DDX46: variants seen among roughly 807,000 people sequenced by gnomAD.
The protein encoded by DDX46 is DEAD-box helicase 46.
Under a neutral mutation model 134.9 loss-of-function variants are expected in DDX46, and 30 were observed. That is an observed-to-expected ratio of 0.22 (90% CI 0.17 to 0.30). The LOEUF (loss-of-function observed/expected upper bound fraction) is 0.30, where lower values mean the gene tolerates loss of function less well. Among genes scored for constraint, DDX46 ranks in the 10% least tolerant of loss-of-function variants. The pLI is 1.00. For missense variants in DDX46, 622 were observed against 1,248.7 expected, an observed-to-expected ratio of 0.50 and a Z score of 7.56; for synonymous variants, 415 against 404.1, an observed-to-expected ratio of 1.03 and a Z score of -0.32.
rs2150166394 is a variant in DDX46, at chr5:134,830,263, T to C, written c.*1557T>C. 1 of 152,150 alleles carries C rather than the reference T, an allele frequency of 6.6e-6. No individual in the cohort carries two copies. The highest frequency in any genetic ancestry group is 1.9e-4 in the East Asian group (1 of 5,174). The allele number at this position is 152,150 out of a possible 1,614,324, so 9.4% of individuals were successfully genotyped here. A position where few individuals can be genotyped will look rare whatever the true frequency, so the allele number is the denominator to read the frequency against. On this transcript the variant is annotated 3_prime_UTR_variant, in exon 23 of 23. Transcript: ENST00000452510. ...ACTATAACATTTACATTGTGTTAGGTATTTTAAGTAATTTAAAGGTTACAG... is the reference window on the plus strand; with the variant it reads ...ACTATAACATTTACATTGTGTTAGGCATTTTAAGTAATTTAAAGGTTACAG...
chr5:134,762,983 C>T (rs1167977590), intron 1 of DDX46, among the ~76,000 whole-genome samples: 4 of 151,438 alleles, frequency 2.6e-5, no homozygotes, highest in Non-Finnish European at 4.4e-5. Flanking sequence ...GGTGTGAACC[C>T]GGGAGGTGGA....
chr5:134,786,737 C>T (rs1416844107), intron 11 of DDX46, among the ~76,000 whole-genome samples: 1 of 152,036 alleles, frequency 6.6e-6, no homozygotes, highest in Non-Finnish European at 1.5e-5. Context: ...ATCAGCTACT[C>T]GGTAGGCTGA....
Position 134,811,772 on chromosome 5 carries a change from C to T in DDX46, c.2363C>T (p.Ala788Val). Reference protein sequence around the residue: ...FKFDETEQALANERKKLQKAA... With the variant: ...FKFDETEQALVNERKKLQKAA... Reference sequence around the variant, plus strand: ...TTTGATGAAACAGAACAAGCTTTGGCTAATGAGAGGAAGAAGTTACAAAAA... The same window carrying T: ...TTTGATGAAACAGAACAAGCTTTGGTTAATGAGAGGAAGAAGTTACAAAAA... Residue 788 changes from alanine (A) to valine (V), a missense_variant, in exon 18 of 23, where the codon GCT (alanine) becomes GTT (valine). Transcript: ENST00000452510. 1 of 1,613,932 alleles carries T rather than the reference C, an allele frequency of 6.2e-7. No homozygotes were observed. Among genetic ancestry groups the T allele is most frequent in the Admixed American group, 1.7e-5 (1 of 59,976 alleles).
In DDX46 at chr5:134,793,300, A is replaced by G. The variant is rs188991554; in HGVS notation, c.1627-1550A>G. The stretch of plus-strand genomic sequence containing the variant: ...AGACACTGTCATGTAAATGAAAGCT[A>G]GTGCTATTGAATGCAAAGCTGCACA... On this transcript the variant is annotated intron_variant, in intron 13 of 22. Transcript: ENST00000452510. Among the ~76,000 whole-genome samples, 840 of 152,372 alleles carry G rather than the reference A, an allele frequency of 5.5e-3. 8 individuals are homozygous for G. Among genetic ancestry groups the G allele is most frequent in the Non-Finnish European group, 9.2e-3 (629 of 68,032 alleles).
chr5:134,770,190 C>T (rs964024762), intron 3 of DDX46, among the ~76,000 whole-genome samples: 11 of 151,004 alleles, frequency 7.3e-5, no homozygotes, highest in African/African-American at 2.4e-4. Context: ...AGCCACTATG[C>T]CTGACCAAAT....
At chr5:134,814,471 A>G (rs923312965) in intron 18 of DDX46, among the ~76,000 whole-genome samples, 1 of 152,230 alleles carries the variant, frequency 6.6e-6, no homozygotes, top group Non-Finnish European at 1.5e-5. Context: ...CTAGCATTGT[A>G]TACTTCCCCC....
intron 15 of DDX46, among the ~76,000 whole-genome samples, chr5:134,801,151 C>T (rs369834348): frequency 1.3e-5 from 2 of 152,006 alleles, no homozygotes; most frequent in African/African-American, 4.8e-5. Flanking sequence ...AAAAATTAGC[C>T]TCCCAGCTAC....
chr5:134,784,247 A>G (rs1001289521), intron 9 of DDX46, 119 bp from the exon 10 acceptor site: 112 of 980,492 alleles, frequency 1.1e-4, no homozygotes, highest in Non-Finnish European at 1.5e-4. Context: ...GCCAAATAGT[A>G]TTTTATTGTA....
chr5:134,760,476 A>T (rs890395507), intron 1 of DDX46, among the ~76,000 whole-genome samples: 8 of 152,214 alleles, frequency 5.3e-5, no homozygotes, highest in Non-Finnish European at 8.8e-5. Flanking sequence ...GGTGGATTGT[A>T]GATTTTGAAG....
chr5:134,779,321 G>A (rs1281130498), intron 6 of DDX46, among the ~76,000 whole-genome samples: 2 of 151,800 alleles, frequency 1.3e-5, no homozygotes, highest in African/African-American at 4.8e-5. Flanking sequence ...AGCCTCCCGA[G>A]TAGCTGGGAT....
At chr5:134,770,831 AAG>A (rs1753741400) in intron 3 of DDX46, 70 bp from the exon 4 acceptor site, 3 of 1,367,850 alleles carry the variant, frequency 2.2e-6, no homozygotes, top group South Asian at 2.8e-5. Context: ...AAAAAAAAAA[AAG>A]TATTTAAAAA....
chr5:134,773,232 G>A (rs573676678), intron 4 of DDX46, among the ~76,000 whole-genome samples: 1 of 152,224 alleles, frequency 6.6e-6, no homozygotes, highest in East Asian at 1.9e-4. Context: ...CCATGTGCCT[G>A]GCCATAAAAT....
At chr5:134,799,766 T>C (rs898277690) in intron 15 of DDX46, among the ~76,000 whole-genome samples, 3 of 150,452 alleles carry the variant, frequency 2.0e-5, no homozygotes, top group Admixed American at 6.6e-5. Context: ...AACCCTAATC[T>C]GGGCACAGTG....
chr5:134,767,628 A>G (rs1043991347), intron 3 of DDX46, among the ~76,000 whole-genome samples: 2 of 151,560 alleles, frequency 1.3e-5, no homozygotes, highest in Non-Finnish European at 2.9e-5. Context: ...GGCCTGAGCC[A>G]CCGCGCCCAG....
chr5:134,811,459 G>T, intron 17 of DDX46, 101 bp downstream of exon 17: 1 of 1,451,298 alleles, frequency 6.9e-7, no homozygotes, highest in African/African-American at 1.4e-5. Flanking sequence ...TGAAAATTTT[G>T]CTACGACTAT....
chr5:134,771,244 G>A (rs1203084843), intron 4 of DDX46, among the ~76,000 whole-genome samples: 2 of 151,550 alleles, frequency 1.3e-5, no homozygotes, highest in Non-Finnish European at 2.9e-5. Context: ...ATAGGCATGC[G>A]CCACCATGCC....
Position 134,817,820 on chromosome 5 carries a change from T to G in DDX46, c.2832+106T>G, listed in dbSNP as rs547818076. The G allele has an allele frequency of 1.2e-4, 102 of 871,998 alleles. No individual in the cohort carries two copies. In the East Asian group the frequency reaches 2.7e-3, roughly 23 times the overall value. 54.0% of individuals were successfully genotyped at this position (871,998 alleles called of 1,614,324 possible). ...GAACATTTTAATAGCTCCTTCACTC[T>G]TTACCTAAATGGAGGATATAACAAT... is the stretch of plus-strand genomic sequence containing the variant. On this transcript the variant is annotated intron_variant, in intron 20 of 22. Coordinates refer to ENST00000452510, the MANE Select transcript of DDX46 (RefSeq NM_001300860.2).
chr5:134,822,687 C>T (rs1375829633), intron 21 of DDX46, among the ~76,000 whole-genome samples: 1 of 152,014 alleles, frequency 6.6e-6, no homozygotes, highest in Non-Finnish European at 1.5e-5. Flanking sequence ...GCAAGCCTCC[C>T]ACCTCAGCCC....
At chr5:134,822,421 C>A (rs1030128098) in intron 21 of DDX46, among the ~76,000 whole-genome samples, 2 of 152,100 alleles carry the variant, frequency 1.3e-5, no homozygotes, top group Non-Finnish European at 2.9e-5. Flanking sequence ...TAGCTTCAAA[C>A]TCCAGGGTTC....
Sources: gnomAD v4.1 joint callset for allele counts (sites outside exome capture counted in the v4.1 genomes callset) on GRCh38, gnomAD v4.1.1 for gene constraint, MANE v1.5 for transcripts, NCBI Gene and HGNC (gene_info 2026-07-23, HGNC 2026-07-21) for gene names.